FAM3C: variants seen among roughly 807,000 people sequenced by gnomAD.
FAM3C encodes the protein protein FAM3C.
In FAM3C, 15 loss-of-function variants were observed where a neutral mutation model predicts 32.5. The ratio of observed to expected loss-of-function variants is 0.46; its 90% CI spans 0.31 to 0.71. The LOEUF (loss-of-function observed/expected upper bound fraction) is 0.71. Ranked by LOEUF, FAM3C falls within the 30% of genes least tolerant of loss-of-function variation. The pLI is 0.05. For synonymous variants in FAM3C, 75 were observed against 86.1 expected (o/e 0.87, Z 0.72); for missense variants, 175 against 274.4 (o/e 0.64, Z 2.56).
Position 121,350,485 on chromosome 7 carries a change from T to C in FAM3C, c.660A>G (p.Gly220=). The C allele has an allele frequency of 6.2e-7, 1 of 1,612,192 alleles. No homozygotes were observed. Among genetic ancestry groups the C allele is most frequent in the African/African-American group, 1.3e-5 (1 of 74,932 alleles). ...EGWPEVVEME[G]CIPQKQD ...ATTAGTCTTGCTTCTGGGGGATGCATCCTTCCATTTCTACAACTTCAGGCC... is the reference window on the plus strand; with the variant it reads ...ATTAGTCTTGCTTCTGGGGGATGCACCCTTCCATTTCTACAACTTCAGGCC... The change falls in exon 10 of 10, where the codon GGA becomes GGG. Residue 220 remains glycine, a synonymous_variant. Coordinates refer to ENST00000359943, the MANE Select transcript of FAM3C (RefSeq NM_014888.3).
At position 121,359,269 on chromosome 7, in the gene FAM3C, C is replaced by T. The variant is rs1437602278; in HGVS notation, c.467+774G>A. On this transcript the variant is annotated intron_variant, in intron 8 of 9. Transcript: ENST00000359943. ...AAGATAGTCTATTGTGCTAAGTATG[C>T]AAATTGGAACTAGTCTGGGTCCAGC... Among the ~76,000 whole-genome samples the T allele has an allele frequency of 2.6e-5, 4 of 151,836 alleles. No individual in the cohort carries two copies. The South Asian group carries it at 8.3e-4, about 31-fold the overall frequency.
Position 121,383,020 on chromosome 7 carries a change from C to CT in FAM3C, c.-41-11_-41-10insA. Reference sequence around the variant, plus strand: ...TTTCATTAATATGCTCCTAAAAAATCAAAACAAAAAGCAAATATCATTAGC... The same window carrying CT: ...TTTCATTAATATGCTCCTAAAAAATCTAAAACAAAAAGCAAATATCATTAGC... On this transcript the variant is annotated splice_polypyrimidine_tract_variant and intron_variant, in intron 1 of 9. Transcript: ENST00000359943. 1.3e-6 allele frequency: 2 copies of CT among 1,500,412 alleles called. No individual in the cohort carries two copies. The highest frequency in any genetic ancestry group is 1.8e-6 in the Non-Finnish European group (2 of 1,087,000). 92.9% of individuals were successfully genotyped at this position (1,500,412 alleles called of 1,614,324 possible). A position where few individuals can be genotyped will look rare whatever the true frequency, so the allele number is the denominator to read the frequency against.
chr7:121,384,347 C>G (rs995242210), intron 1 of FAM3C, among the ~76,000 whole-genome samples: 2 of 152,162 alleles, frequency 1.3e-5, no homozygotes, highest in African/African-American at 4.8e-5. Flanking sequence ...CAAACCATCA[C>G]ATAAAAGCAG....
At chr7:121,392,963 T>C (rs1438689740) in intron 1 of FAM3C, among the ~76,000 whole-genome samples, 2 of 152,130 alleles carry the variant, frequency 1.3e-5, no homozygotes, top group Admixed American at 6.5e-5. Flanking sequence ...AGAACACATA[T>C]TGAATTATTC....
At chr7:121,394,722 G>T (rs958834387) in intron 1 of FAM3C, among the ~76,000 whole-genome samples, 1 of 152,132 alleles carries the variant, frequency 6.6e-6, no homozygotes, top group African/African-American at 2.4e-5. Flanking sequence ...GACTTTATTG[G>T]TAAACAGCCA....
chr7:121,377,758 T>C (rs2952565), intron 3 of FAM3C, among the ~76,000 whole-genome samples: 130,482 of 152,146 alleles, frequency 0.86, 56,473 homozygotes, highest in African/African-American at 0.97. Flanking sequence ...TAAATACTTA[T>C]CATTGTGTTC....
chr7:121,368,380 G>A (rs1340833361), intron 5 of FAM3C, among the ~76,000 whole-genome samples: 1 of 152,178 alleles, frequency 6.6e-6, no homozygotes, highest in African/African-American at 2.4e-5. Context: ...TGAGTTACAT[G>A]TACTCAGAGC....
chr7:121,380,656 A>G (rs1480770936), intron 2 of FAM3C, among the ~76,000 whole-genome samples: 1 of 151,460 alleles, frequency 6.6e-6, no homozygotes, highest in African/African-American at 2.4e-5. Flanking sequence ...GTGACACTCA[A>G]TTTATTTTAC....
intron 6 of FAM3C, among the ~76,000 whole-genome samples, chr7:121,363,193 C>T (rs1334074221): frequency 1.3e-5 from 2 of 151,986 alleles, no homozygotes; most frequent in African/African-American, 2.4e-5. Context: ...TCTTTTAAGC[C>T]GAAGGATAAA....
At chr7:121,378,734 T>C (rs1794291012) in intron 3 of FAM3C, among the ~76,000 whole-genome samples, 176 bp downstream of exon 3, 1 of 152,166 alleles carries the variant, frequency 6.6e-6, no homozygotes, top group South Asian at 2.1e-4. Context: ...TGTTTTATAC[T>C]AAATTAATTC....
chr7:121,375,880 T>C (rs1794230756), intron 3 of FAM3C, among the ~76,000 whole-genome samples: 1 of 152,208 alleles, frequency 6.6e-6, no homozygotes, highest in African/African-American at 2.4e-5. Flanking sequence ...TGAACTTTCA[T>C]CCAAGGCCTA....
At chr7:121,390,184 A>G (rs1363724063) in intron 1 of FAM3C, among the ~76,000 whole-genome samples, 1 of 152,226 alleles carries the variant, frequency 6.6e-6, no homozygotes, top group East Asian at 1.9e-4. Flanking sequence ...CCAGGCACTT[A>G]ATACCCTATT....
At chr7:121,360,366 T>C (rs1793895196) in intron 7 of FAM3C, among the ~76,000 whole-genome samples, 1 of 152,170 alleles carries the variant, frequency 6.6e-6, no homozygotes, top group South Asian at 2.1e-4. Context: ...TCTTTCGTAT[T>C]GATATTCCTG....
At chr7:121,360,164 G>A in intron 7 of FAM3C, 37 bp from the exon 8 acceptor site, 3 of 1,033,786 alleles carry the variant, frequency 2.9e-6, no homozygotes, top group Non-Finnish European at 4.6e-6. Flanking sequence ...TTTAAAAAAT[G>A]ACTGAATAAG....
intron 1 of FAM3C, among the ~76,000 whole-genome samples, chr7:121,388,684 T>G (rs1190656513): frequency 6.6e-6 from 1 of 152,166 alleles, no homozygotes; most frequent in Non-Finnish European, 1.5e-5. Context: ...GTTTTCTGAA[T>G]CAACATCATC....
At chr7:121,356,328 C>T (rs1357657481) in intron 8 of FAM3C, among the ~76,000 whole-genome samples, 1 of 152,000 alleles carries the variant, frequency 6.6e-6, no homozygotes, top group Non-Finnish European at 1.5e-5. Context: ...GAAGATGAAA[C>T]AAATTAGAAG....
chr7:121,356,004 G>T (rs1793800548), intron 8 of FAM3C, among the ~76,000 whole-genome samples: 1 of 148,766 alleles, frequency 6.7e-6, no homozygotes, highest in Non-Finnish European at 1.5e-5. Context: ...ATCAAGTTCT[G>T]AATGAAGAGA....
chr7:121,393,531 A>C (rs2116980276), intron 1 of FAM3C, among the ~76,000 whole-genome samples: 1 of 152,342 alleles, frequency 6.6e-6, no homozygotes, highest in South Asian at 2.1e-4. Context: ...AGTTAGAAAA[A>C]TCATGAATAG....
intron 1 of FAM3C, among the ~76,000 whole-genome samples, chr7:121,386,033 C>T (rs926525636): frequency 6.6e-6 from 1 of 152,160 alleles, no homozygotes; most frequent in Non-Finnish European, 1.5e-5. Flanking sequence ...GGCTTGTTGA[C>T]AAAATGTCAT....
Sources: gnomAD v4.1 joint callset for allele counts (sites outside exome capture counted in the v4.1 genomes callset) on GRCh38, gnomAD v4.1.1 for gene constraint, MANE v1.5 for transcripts, NCBI Gene and HGNC (gene_info 2026-07-23, HGNC 2026-07-21) for gene names.